Variants in NRG1 observed in about 807,000 individuals in gnomAD.
NRG1 encodes pro-neuregulin-1, membrane-bound isoform.
In NRG1, 18 loss-of-function variants were observed where a neutral mutation model predicts 63.8. The observed-to-expected ratio is 0.28, with a 90% confidence interval of 0.19 to 0.42. The LOEUF is 0.42. Among genes scored for constraint, NRG1 ranks in the 10% least tolerant of loss-of-function variants. The probability of loss-of-function intolerance (pLI) is 1.00; values close to 1 mark genes in which losing one functional copy is unlikely to be tolerated. For missense variants in NRG1, 762 were observed against 814.7 expected, an observed-to-expected ratio of 0.94 and a Z score of 0.79; for synonymous variants, 302 against 301.3, an observed-to-expected ratio of 1.00 and a Z score of -0.02.
chr8:32,011,160 CG>C, intron 1 of NRG1, among the ~76,000 whole-genome samples: 1 of 152,080 alleles, frequency 6.6e-6, no homozygotes, highest in Non-Finnish European at 1.5e-5. Context: ...GATGTCAGTA[CG>C]GAAGTTTGAA....
intron 1 of NRG1, among the ~76,000 whole-genome samples, chr8:31,957,161 G>GT (rs1218307308): frequency 2.0e-5 from 3 of 150,428 alleles, no homozygotes; most frequent in African/African-American, 7.3e-5. Flanking sequence ...AAAATTATGA[G>GT]TTTTGCACTG....
chr8:31,871,167 G>A (rs1182895055), intron 1 of NRG1, among the ~76,000 whole-genome samples: 1 of 152,014 alleles, frequency 6.6e-6, no homozygotes, highest in African/African-American at 2.4e-5. Context: ...AGTAGAGATG[G>A]GGTTTCACCC....
chr8:32,461,337 G>A (rs1048946092), intron 1 of NRG1, among the ~76,000 whole-genome samples: 6 of 152,010 alleles, frequency 3.9e-5, no homozygotes, highest in Non-Finnish European at 7.4e-5. Context: ...CTTCTAAAAC[G>A]GCCTATTATA....
At chr8:31,719,646 T>C (rs1041856159) in intron 1 of NRG1, among the ~76,000 whole-genome samples, 1 of 152,132 alleles carries the variant, frequency 6.6e-6, no homozygotes, top group Non-Finnish European at 1.5e-5. Context: ...ATACTACTTT[T>C]CCCCCATTTT....
chr8:32,761,560 AATTTTATTTTATTTTATTTT>A (rs10566697), intron 11 of NRG1, among the ~76,000 whole-genome samples: 47 of 138,614 alleles, frequency 3.4e-4, no homozygotes, highest in Middle Eastern at 3.5e-3. Flanking sequence ...AAGTCCGCTG[AATTTTATTTTATTTTATTTT>A]ATTTTATTTT....
intron 1 of NRG1, among the ~76,000 whole-genome samples, chr8:32,151,878 C>A (rs1837536906): frequency 6.6e-6 from 1 of 152,172 alleles, no homozygotes; most frequent in Admixed American, 6.6e-5. Context: ...CTCCTCTATC[C>A]ATCAAGCCCT....
At chr8:32,061,232 C>A (rs1156620197) in intron 1 of NRG1, among the ~76,000 whole-genome samples, 1 of 151,866 alleles carries the variant, frequency 6.6e-6, no homozygotes, top group Non-Finnish European at 1.5e-5. Context: ...ATTCTGAATT[C>A]TTTGATAACA....
At chr8:32,561,313 A>T (rs1467746395) in intron 1 of NRG1, among the ~76,000 whole-genome samples, 1 of 152,254 alleles carries the variant, frequency 6.6e-6, no homozygotes, top group Non-Finnish European at 1.5e-5. Flanking sequence ...TATGATTCAT[A>T]GGAATTTGAA....
chr8:32,316,571 T>C (rs1222668527), intron 1 of NRG1, among the ~76,000 whole-genome samples: 1 of 152,010 alleles, frequency 6.6e-6, no homozygotes, highest in Non-Finnish European at 1.5e-5. Flanking sequence ...CTTCTCTCTC[T>C]CGTTTTGAAC....
At chr8:32,051,873 T>A (rs1337264306) in intron 1 of NRG1, among the ~76,000 whole-genome samples, 1 of 152,126 alleles carries the variant, frequency 6.6e-6, no homozygotes, top group Non-Finnish European at 1.5e-5. Flanking sequence ...TATTTTAAGT[T>A]AAAGAGAGAG....
intron 1 of NRG1, among the ~76,000 whole-genome samples, chr8:32,507,654 T>C (rs1487180623): frequency 6.6e-6 from 1 of 152,202 alleles, no homozygotes; most frequent in African/African-American, 2.4e-5. Flanking sequence ...AGTGGCAATG[T>C]ATAACATTTG....
chr8:31,813,573 G>A (rs1265389910), intron 1 of NRG1, among the ~76,000 whole-genome samples: 1 of 137,482 alleles, frequency 7.3e-6, no homozygotes, highest in Non-Finnish European at 1.5e-5. Context: ...CCAGGCTGGA[G>A]AGCAGTGGCA....
chr8:32,243,279 C>G (rs1483264788), intron 1 of NRG1, among the ~76,000 whole-genome samples: 3 of 152,036 alleles, frequency 2.0e-5, no homozygotes, highest in Non-Finnish European at 4.4e-5. Context: ...CAAAAATTAG[C>G]TAGGTATGGT....
intron 1 of NRG1, among the ~76,000 whole-genome samples, chr8:32,453,713 C>T (rs768504811): frequency 1.3e-5 from 2 of 152,132 alleles, no homozygotes; most frequent in Non-Finnish European, 2.9e-5. Flanking sequence ...TTTCGAGCAT[C>T]GTTGTTGATA....
chr8:31,947,169 G>A (rs327361), intron 1 of NRG1, among the ~76,000 whole-genome samples: 127,086 of 150,044 alleles, frequency 0.85, 54,582 homozygotes, highest in Non-Finnish European at 0.91. Flanking sequence ...GCGCGGTGGC[G>A]GGCGCCTGTA....
chr8:32,362,471 A>G (rs1807353892), intron 1 of NRG1, among the ~76,000 whole-genome samples: 1 of 152,230 alleles, frequency 6.6e-6, no homozygotes. Context: ...CTTTGGGCAT[A>G]AAATGCCATT....
At chr8:31,811,445 T>C (rs757850292) in intron 1 of NRG1, among the ~76,000 whole-genome samples, 3 of 152,244 alleles carry the variant, frequency 2.0e-5, no homozygotes, top group East Asian at 1.9e-4. Flanking sequence ...TTTTCCCCGA[T>C]GTGCCATGCA....
At chr8:31,934,349 G>A (rs149072157) in intron 1 of NRG1, among the ~76,000 whole-genome samples, 3,477 of 147,398 alleles carry the variant, frequency 0.024, 141 homozygotes, top group African/African-American at 0.085. Context: ...ACATATATAT[G>A]TGTGTGTATA....
chr8:32,366,679 A>ATG (rs1563367022), intron 1 of NRG1, among the ~76,000 whole-genome samples: 2 of 5,364 alleles, frequency 3.7e-4, no homozygotes, highest in African/African-American at 6.6e-4. Context: ...GTGTGTGTGT[A>ATG]TATATATATA....
Sources: gnomAD v4.1 joint callset for allele counts (sites outside exome capture counted in the v4.1 genomes callset) on GRCh38, gnomAD v4.1.1 for gene constraint, MANE v1.5 for transcripts, NCBI Gene and HGNC (gene_info 2026-07-23, HGNC 2026-07-21) for gene names.